The following SV2B variants were observed in gnomAD, a reference collection of about 807,000 sequenced individuals.
SV2B encodes synaptic vesicle glycoprotein 2B.
Under a neutral mutation model 73.9 loss-of-function variants are expected in SV2B, and 41 were observed. That is an observed-to-expected ratio of 0.56 (90% CI 0.43 to 0.72). SV2B has a LOEUF of 0.72. Among genes scored for constraint, SV2B ranks in the 30% least tolerant of loss-of-function variants. The pLI, the probability that SV2B is intolerant of heterozygous loss-of-function variation, is 0.00. For missense variants in SV2B, 764 were observed against 857.8 expected (o/e 0.89, Z 1.37); for synonymous variants, 314 against 314.2 (o/e 1.00, Z 0.01).
chr15:91,235,197 G>A (rs2046731965), intron 2 of SV2B, among the ~76,000 whole-genome samples: 1 of 152,198 alleles, frequency 6.6e-6, no homozygotes, highest in Non-Finnish European at 1.5e-5. Flanking sequence ...AATAGTAGAA[G>A]CCATTTGAGT....
rs540430487 is a variant in SV2B, at chr15:91,121,742, C to T, written c.-392+21379C>T. Among the ~76,000 whole-genome samples, 4 of 148,896 alleles carry T rather than the reference C, an allele frequency of 2.7e-5. No individual in the cohort carries two copies. The highest frequency in any genetic ancestry group is 1.0e-4 in the African/African-American group (4 of 38,676). On this transcript the variant is annotated intron_variant, in intron 1 of 12. Transcript: ENST00000394232. This position sits in a 1 kb window ranked among gnomAD's most constrained non-coding sequence, Gnocchi z 4.4. ...ACACCACTCCTTTCCCCTTCGCGCT[C>T]ACCTCAAGAAACCATCTATTTATAT...
intron 1 of SV2B, among the ~76,000 whole-genome samples, chr15:91,202,162 G>A (rs370147261): frequency 8.6e-5 from 13 of 152,008 alleles, no homozygotes; most frequent in African/African-American, 2.4e-4. Context: ...GTCGCCTCTG[G>A]TCTTCCCTAA....
chr15:91,286,616 T>C (rs904816837), intron 11 of SV2B, among the ~76,000 whole-genome samples: 1 of 152,204 alleles, frequency 6.6e-6, no homozygotes, highest in African/African-American at 2.4e-5. Context: ...CTTATTGTTA[T>C]TGAATATTAT....
chr15:91,171,582 G>T (rs1056692021), intron 1 of SV2B, among the ~76,000 whole-genome samples: 4 of 152,128 alleles, frequency 2.6e-5, no homozygotes, highest in African/African-American at 9.7e-5. Flanking sequence ...TTCTCAGAGC[G>T]GTTGGTTGGA....
At chr15:91,210,361 G>T (rs1000160713) in intron 1 of SV2B, among the ~76,000 whole-genome samples, 2 of 151,916 alleles carry the variant, frequency 1.3e-5, no homozygotes, top group Admixed American at 1.3e-4. Context: ...TAAGTAGTTC[G>T]GTCTAAGCTG....
intron 1 of SV2B, among the ~76,000 whole-genome samples, chr15:91,193,809 T>A (rs895757281): frequency 6.6e-6 from 1 of 152,232 alleles, no homozygotes; most frequent in Non-Finnish European, 1.5e-5. Flanking sequence ...TAAATATGTT[T>A]ATTGTCTCAG....
intron 1 of SV2B, among the ~76,000 whole-genome samples, chr15:91,148,317 C>G (rs556780762): frequency 6.6e-6 from 1 of 152,050 alleles, no homozygotes; most frequent in African/African-American, 2.4e-5. Flanking sequence ...CATTTTAGAG[C>G]CCCTCTGCCT....
intron 1 of SV2B, among the ~76,000 whole-genome samples, chr15:91,205,809 T>C (rs1596580143): frequency 6.6e-6 from 1 of 152,274 alleles, no homozygotes; most frequent in Admixed American, 6.5e-5. Context: ...TATCATTTAG[T>C]CTAGGTTTGA....
rs766295632 is a variant in SV2B, at chr15:91,267,504, CA to C, written c.1120-48del. 2 of 1,505,158 alleles carry C rather than the reference CA, an allele frequency of 1.3e-6. No homozygotes were observed. The highest frequency in any genetic ancestry group is 1.7e-5 in the Admixed American group (1 of 58,072). The allele number at this position is 1,505,158 out of a possible 1,614,324, so 93.2% of individuals were successfully genotyped here. A position where few individuals can be genotyped will look rare whatever the true frequency, so the allele number is the denominator to read the frequency against. ...AGTAATGAGCTCTTCGTGGGAGAAACAAAGTCACACATTGCTTTCTTTAACA... is the reference window on the plus strand; with the variant it reads ...AGTAATGAGCTCTTCGTGGGAGAAACAAGTCACACATTGCTTTCTTTAACA... On this transcript the variant is annotated intron_variant, in intron 7 of 12. Coordinates refer to ENST00000394232, the MANE Select transcript of SV2B (RefSeq NM_001323032.3). This position sits in a 1 kb window ranked among gnomAD's most constrained non-coding sequence, Gnocchi z 4.3.
chr15:91,209,114 G>GTTTTTTTTTTTTTTTT lies in SV2B; in HGVS notation c.-391-16749_-391-16734dup, dbSNP rs903531189. On this transcript the variant is annotated intron_variant, in intron 1 of 12. Transcript: ENST00000394232. Reference sequence around the variant, plus strand: ...AGTGACTGTGGCAGTACTGTTTTTTGTTTTTTTTTTTTTTTTTTTTTTTTT... The same window carrying GTTTTTTTTTTTTTTTT: ...AGTGACTGTGGCAGTACTGTTTTTTGTTTTTTTTTTTTTTTTTTTTTTTTTTTTTTTTTTTTTTTTT... Among the ~76,000 whole-genome samples, 9 of 89,988 alleles carry GTTTTTTTTTTTTTTTT rather than the reference G, an allele frequency of 1.0e-4. 1 individual carries two copies. The highest frequency in any genetic ancestry group is 5.6e-4 in the African/African-American group (9 of 16,048). The allele number at this position is 89,988 out of a possible 152,430, so 59.0% of individuals were successfully genotyped here.
rs1162671676 is a variant in SV2B, at chr15:91,223,922, C to A, written c.-391-1951C>A. Among the ~76,000 whole-genome samples the A allele has an allele frequency of 6.6e-6, 1 of 152,236 alleles. No homozygotes were observed. The highest frequency in any genetic ancestry group is 2.4e-5 in the African/African-American group (1 of 41,456). On this transcript the variant is annotated intron_variant, in intron 1 of 12. Coordinates refer to ENST00000394232, the MANE Select transcript of SV2B (RefSeq NM_001323032.3). This position sits in a 1 kb window ranked among gnomAD's most constrained non-coding sequence, Gnocchi z 4.6. ...GATTGCAGGGCCCTGCCCTATCCTGCAGATTCAGTGTCTTTCAGGGAGGGG... is the reference window on the plus strand; with the variant it reads ...GATTGCAGGGCCCTGCCCTATCCTGAAGATTCAGTGTCTTTCAGGGAGGGG...
At chr15:91,156,850 A>C (rs1368898978) in intron 1 of SV2B, among the ~76,000 whole-genome samples, 2 of 152,222 alleles carry the variant, frequency 1.3e-5, no homozygotes, top group African/African-American at 4.8e-5. Flanking sequence ...CTGGCTTATA[A>C]ACCACATGGA....
Position 91,101,628 on chromosome 15 carries a change from A to G in SV2B, c.-392+1265A>G, listed in dbSNP as rs940649688. Among the ~76,000 whole-genome samples, 5 of 152,156 alleles carry G rather than the reference A, an allele frequency of 3.3e-5. No homozygotes were observed. In the East Asian group the frequency reaches 5.8e-4, roughly 18 times the overall value. On this transcript the variant is annotated intron_variant, in intron 1 of 12. Coordinates refer to ENST00000394232, the MANE Select transcript of SV2B (RefSeq NM_001323032.3). ...GAAATTGATAGTGGCAGTGATTAGT[A>G]TAAAAATGAAGCCCTCATGGATTAG...
rs181331867 is a variant in SV2B at position 91,105,571 on chromosome 15, A to G, written c.-392+5208A>G. Among the ~76,000 whole-genome samples the G allele has an allele frequency of 2.6e-5, 4 of 152,322 alleles. No individual in the cohort carries two copies. The East Asian group carries it at 7.7e-4, about 29-fold the overall frequency. ...GGGCCTTGTGTAGACTTTAGCCTTT[A>G]TTTTGAGGAAAATGGGACACCACTG... is the stretch of plus-strand genomic sequence containing the variant. On this transcript the variant is annotated intron_variant, in intron 1 of 12. Coordinates refer to ENST00000394232, the MANE Select transcript of SV2B (RefSeq NM_001323032.3). The surrounding 1 kb of genome is among the most constrained non-coding windows in gnomAD (Gnocchi z 5.5).
At chr15:91,198,281 C>T (rs956138835) in intron 1 of SV2B, among the ~76,000 whole-genome samples, 9 of 152,112 alleles carry the variant, frequency 5.9e-5, no homozygotes, top group African/African-American at 2.2e-4. Context: ...ACTTTCTCTT[C>T]AAATTTCTGT....
chr15:91,124,756 C>T lies in SV2B; in HGVS notation c.-392+24393C>T, dbSNP rs1020482894. 6.6e-5 allele frequency among the ~76,000 whole-genome samples: 10 copies of T among 152,130 alleles called. No individual in the cohort carries two copies. The highest frequency in any genetic ancestry group is 1.4e-4 in the African/African-American group (6 of 41,486). The stretch of plus-strand genomic sequence containing the variant: ...GCAACCTCCACCTCCTGGGTTCAAG[C>T]GATTCTTGAGCCTCAGCATCCCAAG... On this transcript the variant is annotated intron_variant, in intron 1 of 12. Coordinates refer to ENST00000394232, the MANE Select transcript of SV2B (RefSeq NM_001323032.3). This position sits in a 1 kb window ranked among gnomAD's most constrained non-coding sequence, Gnocchi z 4.6.
rs1277672166 is a variant in SV2B, at chr15:91,240,947, C to G, written c.452-10872C>G. Among the ~76,000 whole-genome samples the G allele has an allele frequency of 6.6e-6, 1 of 152,208 alleles. No individual in the cohort carries two copies. The highest frequency in any genetic ancestry group is 1.5e-5 in the Non-Finnish European group (1 of 68,028). ...CCAGGCCATTCTCCCTCTCTCCTCA[C>G]TAAAAGATCTCATATTCGAATCTCT... On this transcript the variant is annotated intron_variant, in intron 2 of 12. Transcript: ENST00000394232. The surrounding 1 kb of genome is among the most constrained non-coding windows in gnomAD (Gnocchi z 4.6).
At chr15:91,256,823 A>G (rs550421428) in intron 4 of SV2B, among the ~76,000 whole-genome samples, 11 of 152,210 alleles carry the variant, frequency 7.2e-5, no homozygotes, top group Non-Finnish European at 1.3e-4. Flanking sequence ...TAGTGTAGAA[A>G]ATGTCTGCAG....
At chr15:91,277,946 C>T (rs1408869277) in intron 9 of SV2B, among the ~76,000 whole-genome samples, 1 of 152,164 alleles carries the variant, frequency 6.6e-6, no homozygotes, top group East Asian at 1.9e-4. Flanking sequence ...CGTGATTTCA[C>T]CACTCAGGTA....
Sources: gnomAD v4.1 joint callset for allele counts (sites outside exome capture counted in the v4.1 genomes callset) on GRCh38, gnomAD v4.1.1 for gene constraint, Gnocchi (gnomAD v3.1) non-coding constraint, MANE v1.5 for transcripts, NCBI Gene and HGNC (gene_info 2026-07-23, HGNC 2026-07-21) for gene names.